The following SUGCT variants were observed in gnomAD, a reference collection of about 807,000 sequenced individuals.
SUGCT encodes succinyl-CoA:glutarate CoA-transferase.
A neutral mutation model predicts 55.0 loss-of-function variants in SUGCT; 41 were observed. The ratio of observed to expected loss-of-function variants is 0.74; its 90% confidence interval spans 0.58 to 0.97. The LOEUF is 0.97. SUGCT is among the 50% of genes least tolerant of loss of function. The pLI, the probability that SUGCT is intolerant of heterozygous loss-of-function variation, is 0.00. For missense variants in SUGCT, 568 were observed against 547.8 expected (o/e 1.04, Z -0.37); for synonymous variants, 187 against 200.4 (o/e 0.93, Z 0.56).
chr7:40,446,963 A>G (rs1251047054), intron 9 of SUGCT, among the ~76,000 whole-genome samples: 2 of 152,200 alleles, frequency 1.3e-5, no homozygotes, highest in Non-Finnish European at 1.5e-5. Flanking sequence ...ATTGGAATGT[A>G]ATTCATGTAC....
At chr7:40,778,243 T>C (rs1332223157) in intron 13 of SUGCT, among the ~76,000 whole-genome samples, 1 of 152,232 alleles carries the variant, frequency 6.6e-6, no homozygotes, top group Non-Finnish European at 1.5e-5. Flanking sequence ...GACTCTAGTA[T>C]ACCTGTGCTT....
At position 40,596,960 on chromosome 7, in the gene SUGCT, C is replaced by T. The variant is rs148453386; in HGVS notation, c.1089+100574C>T. Among the ~76,000 whole-genome samples the T allele has an allele frequency of 2.2e-4, 34 of 152,282 alleles. No individual in the cohort carries two copies. In the East Asian group the frequency reaches 5.8e-3, roughly 26 times the overall value. On this transcript the variant is annotated intron_variant, in intron 12 of 13. Coordinates refer to ENST00000335693, the MANE Select transcript of SUGCT (RefSeq NM_001193313.2). ...AGTATCATGTATCTTCCCCCTTAATCGCTGTATTACCAATGCAACCTAGTG... is the reference window on the plus strand; with the variant it reads ...AGTATCATGTATCTTCCCCCTTAATTGCTGTATTACCAATGCAACCTAGTG...
intron 13 of SUGCT, among the ~76,000 whole-genome samples, chr7:40,813,318 C>T (rs1246343651): frequency 1.3e-5 from 2 of 151,886 alleles, no homozygotes; most frequent in East Asian, 1.9e-4. Flanking sequence ...TGTTGAAGTT[C>T]CCCACTATTA....
At chr7:40,713,729 A>G (rs1022198283) in intron 12 of SUGCT, among the ~76,000 whole-genome samples, 4 of 152,136 alleles carry the variant, frequency 2.6e-5, no homozygotes, top group African/African-American at 9.7e-5. Flanking sequence ...GCTGTGGTCA[A>G]TTTGAGTGTT....
chr7:40,547,868 C>T (rs1308469474), intron 12 of SUGCT, among the ~76,000 whole-genome samples: 1 of 152,000 alleles, frequency 6.6e-6, no homozygotes, highest in African/African-American at 2.4e-5. Flanking sequence ...ATTTATTTAA[C>T]TAATCCAGTG....
chr7:40,272,333 T>A (rs1792121900), intron 7 of SUGCT, among the ~76,000 whole-genome samples: 1 of 149,840 alleles, frequency 6.7e-6, no homozygotes, highest in South Asian at 2.1e-4. Context: ...TGTGCCACCA[T>A]GCCCGGCTAA....
At chr7:40,201,152 A>C (rs1201565585) in intron 6 of SUGCT, among the ~76,000 whole-genome samples, 3 of 152,164 alleles carry the variant, frequency 2.0e-5, no homozygotes, top group African/African-American at 7.2e-5. Flanking sequence ...AAAGACATTA[A>C]GACTAGAGAG....
the SUGCT span, chr7:40,964,653 G>T: frequency 1.3e-5 from 2 of 152,290 alleles, no homozygotes; most frequent in African/African-American, 4.8e-5. Flanking sequence ...AGCTAAATGG[G>T]CCCCAAGTAA....
At position 40,845,889 on chromosome 7, in the gene SUGCT, C is replaced by T. The variant is rs150200447; in HGVS notation, c.1154-14427C>T. Among the ~76,000 whole-genome samples, 358 of 152,170 alleles carry T rather than the reference C, an allele frequency of 2.4e-3. 1 individual carries two copies. Among genetic ancestry groups the T allele is most frequent in the African/African-American group, 7.8e-3 (322 of 41,534 alleles). On this transcript the variant is annotated intron_variant, in intron 13 of 13. Transcript: ENST00000335693. ...AATTCTTTTACTATAGTGACTAAAA[C>T]GTTCAGAAAAAATTTATTAAATTCT...
intron 1 of SUGCT, among the ~76,000 whole-genome samples, chr7:40,140,899 A>G (rs1787947980): frequency 6.6e-6 from 1 of 152,184 alleles, no homozygotes; most frequent in Non-Finnish European, 1.5e-5. Flanking sequence ...AATGATGTTG[A>G]TAGAAATTGC....
chr7:40,907,175 G>A, the SUGCT span, among the ~76,000 whole-genome samples: 2 of 151,094 alleles, frequency 1.3e-5, no homozygotes, highest in Admixed American at 6.6e-5. Flanking sequence ...AGATTGAGTG[G>A]GGACTTGGGT....
chr7:40,250,836 T>TC (rs1790328368), intron 7 of SUGCT, among the ~76,000 whole-genome samples: 1 of 114,900 alleles, frequency 8.7e-6, no homozygotes, highest in East Asian at 2.0e-4. Flanking sequence ...TTCTTTTTTT[T>TC]TTTTTTTTTT....
At position 40,445,209 on chromosome 7, in the gene SUGCT, G is replaced by C. The variant is rs139713095; in HGVS notation, c.817-4078G>C. Among the ~76,000 whole-genome samples, 603 of 152,116 alleles carry C rather than the reference G, an allele frequency of 4.0e-3. 3 individuals are homozygous for C. Among genetic ancestry groups the C allele is most frequent in the African/African-American group, 0.013 (549 of 41,496 alleles). ...CTTAAAAAAATCAATGAATTCAGGA[G>C]CTAGCTTTTTGAAAAGATCAACAAA... On this transcript the variant is annotated intron_variant, in intron 9 of 13. Transcript: ENST00000335693.
At chr7:40,557,132 G>A (rs915438842) in intron 12 of SUGCT, among the ~76,000 whole-genome samples, 6 of 152,110 alleles carry the variant, frequency 3.9e-5, no homozygotes, top group African/African-American at 7.2e-5. Flanking sequence ...TCTGACAGAC[G>A]GACAAGCATA....
intron 7 of SUGCT, among the ~76,000 whole-genome samples, chr7:40,245,042 T>G (rs1246527238): frequency 2.6e-5 from 4 of 152,026 alleles, no homozygotes; most frequent in African/African-American, 9.7e-5. Context: ...AAAATAGTCT[T>G]CCTCTTTAAA....
intron 13 of SUGCT, among the ~76,000 whole-genome samples, chr7:40,767,380 C>T (rs972579641): frequency 2.0e-5 from 3 of 152,156 alleles, no homozygotes; most frequent in East Asian, 1.9e-4. Context: ...CCCTAACATT[C>T]CCAAACCTAT....
chr7:40,724,137 T>C (rs1272163624), intron 12 of SUGCT, among the ~76,000 whole-genome samples: 1 of 152,144 alleles, frequency 6.6e-6, no homozygotes, highest in Non-Finnish European at 1.5e-5. Context: ...GCAAAAAAAA[T>C]GAGCACATGA....
intron 12 of SUGCT, among the ~76,000 whole-genome samples, chr7:40,632,688 A>G (rs900169147): frequency 3.3e-5 from 5 of 151,970 alleles, no homozygotes; most frequent in African/African-American, 1.2e-4. Context: ...TTCAAAAAAG[A>G]TTTGAATGTC....
intron 13 of SUGCT, among the ~76,000 whole-genome samples, chr7:40,843,769 C>A (rs545490768): frequency 1.4e-4 from 21 of 152,036 alleles, no homozygotes; most frequent in African/African-American, 5.1e-4. Flanking sequence ...TATGTAGAAC[C>A]CCATCGCCTA....
Sources: allele counts gnomAD v4.1 joint callset (sites outside exome capture counted in the v4.1 genomes callset), GRCh38; gene constraint gnomAD v4.1.1; transcripts MANE v1.5; gene names NCBI Gene and HGNC (gene_info 2026-07-23, HGNC 2026-07-21).